CSMD1: variants seen among roughly 807,000 people sequenced by gnomAD.
CSMD1 encodes CUB and Sushi multiple domains 1.
A neutral mutation model predicts 417.5 loss-of-function variants in CSMD1; 213 were observed. That is an observed-to-expected ratio of 0.51 (90% CI 0.46 to 0.57). The LOEUF (loss-of-function observed/expected upper bound fraction) is 0.57. Among genes scored for constraint, CSMD1 ranks in the 20% least tolerant of loss-of-function variants. CSMD1 has a pLI of 0.00. For synonymous variants in CSMD1, 2,862 were observed against 1,736.8 expected (o/e 1.65, Z -16.11); for missense variants, 6,923 against 4,529.7 (o/e 1.53, Z -15.17).
chr8:3,274,609 C>G (rs1802133289), intron 26 of CSMD1, among the ~76,000 whole-genome samples: 1 of 152,090 alleles, frequency 6.6e-6, no homozygotes, highest in Admixed American at 6.6e-5. Flanking sequence ...AATCTGGGTG[C>G]TCCTGTATTG....
chr8:4,789,113 T>C (rs142102515), intron 1 of CSMD1, among the ~76,000 whole-genome samples: 1 of 152,336 alleles, frequency 6.6e-6, no homozygotes, highest in African/African-American at 2.4e-5. Context: ...GAAAGCTACC[T>C]CTTGGGATTC....
intron 2 of CSMD1, among the ~76,000 whole-genome samples, chr8:4,603,489 G>C (rs1336053945): frequency 2.0e-5 from 3 of 151,916 alleles, no homozygotes; most frequent in South Asian, 2.1e-4. Context: ...AAATAATAAA[G>C]GTAAGTATTA....
At chr8:4,935,418 A>G (rs1255589669) in intron 1 of CSMD1, among the ~76,000 whole-genome samples, 1 of 152,186 alleles carries the variant, frequency 6.6e-6, no homozygotes, top group Admixed American at 6.5e-5. Flanking sequence ...TGTTGAAGTT[A>G]CCGGTTCATT....
At position 4,945,687 on chromosome 8, in the gene CSMD1, G is replaced by A. The variant is rs556266856; in HGVS notation, c.85+48645C>T. Among the ~76,000 whole-genome samples the A allele has an allele frequency of 9.2e-5, 14 of 152,190 alleles. 1 individual carries two copies. The South Asian group carries it at 2.9e-3, about 32-fold the overall frequency. On this transcript the variant is annotated intron_variant, in intron 1 of 69. Transcript: ENST00000635120. ...AGGAGACTTTTTTCAAGAGAACTTGGCATTAACAAAGACAAAGAGAAAACT... is the reference window on the plus strand; with the variant it reads ...AGGAGACTTTTTTCAAGAGAACTTGACATTAACAAAGACAAAGAGAAAACT...
At chr8:4,691,797 G>A (rs994961699) in intron 1 of CSMD1, among the ~76,000 whole-genome samples, 3 of 152,160 alleles carry the variant, frequency 2.0e-5, no homozygotes, top group Admixed American at 1.3e-4. Flanking sequence ...TTAAATCATT[G>A]TTCAAATCTA....
chr8:4,649,632 A>T (rs191647939), intron 1 of CSMD1, among the ~76,000 whole-genome samples: 30 of 152,330 alleles, frequency 2.0e-4, no homozygotes, highest in Admixed American at 3.3e-4. Flanking sequence ...CCAATTTTTT[A>T]ATTTTAAGAA....
intron 17 of CSMD1, among the ~76,000 whole-genome samples, chr8:3,389,596 T>C (rs558113895): frequency 1.3e-5 from 2 of 151,920 alleles, no homozygotes; most frequent in South Asian, 2.1e-4. Context: ...AAAACAGTAA[T>C]AGGAACGATT....
chr8:3,672,027 T>C (rs1258846022), intron 7 of CSMD1, among the ~76,000 whole-genome samples: 1 of 152,218 alleles, frequency 6.6e-6, no homozygotes, highest in Non-Finnish European at 1.5e-5. Flanking sequence ...GTAGGTTTTA[T>C]TTAAATGAAG....
Position 4,018,759 on chromosome 8 carries a change from G to A in CSMD1, c.610+13146C>T, listed in dbSNP as rs188376424. Among the ~76,000 whole-genome samples, 136 of 152,276 alleles carry A rather than the reference G, an allele frequency of 8.9e-4. 2 individuals carry two copies. Among genetic ancestry groups the A allele is most frequent in the African/African-American group, 2.7e-3 (112 of 41,558 alleles). On this transcript the variant is annotated intron_variant, in intron 4 of 69. Transcript: ENST00000635120. ...GAACGGACAGCATGTGACAAGGGCC[G>A]TGGCACAGACTCTGTAGCCAAAGTG...
At chr8:4,321,300 C>A (rs1459423384) in intron 3 of CSMD1, among the ~76,000 whole-genome samples, 1 of 152,132 alleles carries the variant, frequency 6.6e-6, no homozygotes, top group East Asian at 1.9e-4. Context: ...CTGACCCAGT[C>A]TCTTGCCTAT....
chr8:3,337,104 C>A (rs925719565), intron 23 of CSMD1, among the ~76,000 whole-genome samples: 2 of 152,046 alleles, frequency 1.3e-5, no homozygotes, highest in East Asian at 3.9e-4. Flanking sequence ...GCTGACTAAT[C>A]CCCTGGAACC....
intron 1 of CSMD1, among the ~76,000 whole-genome samples, chr8:4,907,611 G>C (rs947304681): frequency 6.6e-6 from 1 of 152,092 alleles, no homozygotes; most frequent in African/African-American, 2.4e-5. Context: ...CCAAGCTGAA[G>C]TGCAGTGGCA....
At chr8:3,686,269 A>G (rs554626064) in intron 7 of CSMD1, among the ~76,000 whole-genome samples, 1 of 152,300 alleles carries the variant, frequency 6.6e-6, no homozygotes, top group South Asian at 2.1e-4. Context: ...AATACAAGCT[A>G]GGAAAGGCAG....
intron 3 of CSMD1, among the ~76,000 whole-genome samples, chr8:4,225,048 G>A (rs1218745140): frequency 8.5e-5 from 13 of 152,274 alleles, no homozygotes; most frequent in African/African-American, 2.4e-5. Context: ...AGAGGCAGAG[G>A]TTGCAGTGAG....
In CSMD1 at chr8:4,167,606, A is replaced by T. The variant is rs188532956; in HGVS notation, c.416-135507T>A. ...TTAAGGATATGCAAATGGCAGAAAA[A>T]AGGATATGTGGGGGACAGATAAATC... On this transcript the variant is annotated intron_variant, in intron 3 of 69. Transcript: ENST00000635120. Among the ~76,000 whole-genome samples the T allele has an allele frequency of 1.0e-3, 156 of 152,314 alleles. 1 individual carries two copies. The highest frequency in any genetic ancestry group is 3.6e-3 in the African/African-American group (150 of 41,568).
chr8:4,456,845 T>C (rs538234916), intron 2 of CSMD1, among the ~76,000 whole-genome samples: 1 of 152,064 alleles, frequency 6.6e-6, no homozygotes, highest in South Asian at 2.1e-4. Flanking sequence ...GGACCCATCC[T>C]GACCAAGCCT....
intron 30 of CSMD1, among the ~76,000 whole-genome samples, chr8:3,213,077 T>C (rs571648285): frequency 4.6e-5 from 7 of 152,252 alleles, no homozygotes; most frequent in South Asian, 2.1e-4. Context: ...TCCACCCACG[T>C]CAGCCTCCCA....
At chr8:3,872,700 G>C (rs964593178) in intron 5 of CSMD1, among the ~76,000 whole-genome samples, 4 of 152,016 alleles carry the variant, frequency 2.6e-5, no homozygotes, top group Non-Finnish European at 5.9e-5. Flanking sequence ...GTGCTACTTA[G>C]AAGGCCTTGT....
intron 3 of CSMD1, among the ~76,000 whole-genome samples, chr8:4,158,837 G>A (rs1372908337): frequency 6.6e-6 from 1 of 152,144 alleles, no homozygotes; most frequent in Non-Finnish European, 1.5e-5. Flanking sequence ...CCAATAATAG[G>A]AAGTCAGTTT....
Sources: allele counts gnomAD v4.1 joint callset (sites outside exome capture counted in the v4.1 genomes callset), GRCh38; gene constraint gnomAD v4.1.1; transcripts MANE v1.5; gene names NCBI Gene and HGNC (gene_info 2026-07-23, HGNC 2026-07-21).